Variants in GRIK4 observed in about 807,000 individuals in gnomAD.
GRIK4 encodes the protein glutamate receptor ionotropic, kainate 4.
A neutral mutation model predicts 104.9 loss-of-function variants in GRIK4; 40 were observed. The ratio of observed to expected loss-of-function variants is 0.38; its 90% CI spans 0.30 to 0.50. The LOEUF is 0.50. Ranked by LOEUF, GRIK4 falls within the 20% of genes least tolerant of loss-of-function variation. GRIK4 has a pLI of 0.93. For synonymous variants in GRIK4, 485 were observed against 524.9 expected (o/e 0.92, Z 1.04); for missense variants, 1,047 against 1,308.1 (o/e 0.80, Z 3.08).
intron 1 of GRIK4, among the ~76,000 whole-genome samples, chr11:120,638,127 G>A (rs1052013766): frequency 6.6e-6 from 1 of 152,116 alleles, no homozygotes; most frequent in African/African-American, 2.4e-5. Context: ...TGTTCAGCCT[G>A]TGTTGGCCTC....
chr11:120,642,870 T>C (rs777527898), intron 1 of GRIK4, among the ~76,000 whole-genome samples: 1 of 152,184 alleles, frequency 6.6e-6, no homozygotes, highest in Non-Finnish European at 1.5e-5. Flanking sequence ...TAACATTCAA[T>C]AGGGAGGCAT....
chr11:120,952,840 T>C lies in GRIK4; in HGVS notation c.1591-15T>C. On this transcript the variant is annotated splice_polypyrimidine_tract_variant and intron_variant, in intron 14 of 20. Coordinates refer to ENST00000527524, the MANE Select transcript of GRIK4 (RefSeq NM_014619.5). The surrounding 1 kb of genome is among the most constrained non-coding windows in gnomAD (Gnocchi z 5.2). ...GAATATGTGCGGTGAATCTTGTTTT[T>C]CTCTCCATTTCCAGGGACGCAAACC... 2.5e-6 allele frequency: 4 copies of C among 1,572,144 alleles called. No homozygotes were observed. In the Admixed American group the frequency reaches 5.0e-5, roughly 20 times the overall value.
At chr11:120,907,497 G>T (rs778221673) in intron 13 of GRIK4, among the ~76,000 whole-genome samples, 15 of 152,086 alleles carry the variant, frequency 9.9e-5, no homozygotes, top group South Asian at 2.1e-4. Flanking sequence ...TTGAGACTTG[G>T]CTACTTGACA....
intron 12 of GRIK4, among the ~76,000 whole-genome samples, chr11:120,900,869 G>A (rs777506012): frequency 2.9e-4 from 44 of 152,200 alleles, no homozygotes; most frequent in Admixed American, 9.8e-4. Flanking sequence ...AGAGGGTTGC[G>A]GTGTCGCTGT....
chr11:120,615,746 C>T (rs1216230190), intron 1 of GRIK4, among the ~76,000 whole-genome samples: 1 of 152,184 alleles, frequency 6.6e-6, no homozygotes, highest in African/African-American at 2.4e-5. Context: ...TGGGGATCCC[C>T]AGGATCCTCT....
chr11:120,806,346 T>C lies in GRIK4; in HGVS notation c.247+3489T>C, dbSNP rs543624486. The stretch of plus-strand genomic sequence containing the variant: ...CCCTTCTCCTTCCAGTTTTCTGGGC[T>C]TGATGCATCTGATAGCTCTGAGCCT... On this transcript the variant is annotated intron_variant, in intron 4 of 20. Transcript: ENST00000527524. Among the ~76,000 whole-genome samples, 4 of 152,364 alleles carry C rather than the reference T, an allele frequency of 2.6e-5. No homozygotes were observed. In the East Asian group the frequency reaches 7.7e-4, roughly 29 times the overall value.
At chr11:120,896,946 C>T (rs977804396) in intron 11 of GRIK4, among the ~76,000 whole-genome samples, 13 of 152,172 alleles carry the variant, frequency 8.5e-5, no homozygotes, top group Admixed American at 5.2e-4. Context: ...CAATGATTTG[C>T]CAGGGGCTCC....
intron 3 of GRIK4, among the ~76,000 whole-genome samples, chr11:120,710,201 A>G (rs899226028): frequency 1.4e-5 from 2 of 140,870 alleles, no homozygotes; most frequent in African/African-American, 6.1e-5. Context: ...AACTCGGAGA[A>G]ATAGGTAGGA....
chr11:120,777,769 C>T (rs1329146938), intron 3 of GRIK4, among the ~76,000 whole-genome samples: 2 of 151,934 alleles, frequency 1.3e-5, no homozygotes, highest in Non-Finnish European at 2.9e-5. Flanking sequence ...AAACCCTGTC[C>T]TTACTAAAAA....
intron 1 of GRIK4, among the ~76,000 whole-genome samples, chr11:120,634,160 G>A (rs760858038): frequency 2.6e-5 from 4 of 152,308 alleles, no homozygotes; most frequent in Admixed American, 6.5e-5. Context: ...AGTGCTTGGC[G>A]TCCTGCCTGA....
intron 3 of GRIK4, among the ~76,000 whole-genome samples, chr11:120,739,146 G>A (rs1168004089): frequency 6.6e-6 from 1 of 152,166 alleles, no homozygotes; most frequent in Non-Finnish European, 1.5e-5. Flanking sequence ...CCCTCCTGTA[G>A]CCACCTGCCC....
In GRIK4 at chr11:120,967,166, T is replaced by C. The variant is rs1196111407; in HGVS notation, c.2267-29T>C. On this transcript the variant is annotated intron_variant, in intron 18 of 20. Transcript: ENST00000527524. This position sits in a 1 kb window ranked among gnomAD's most constrained non-coding sequence, Gnocchi z 4.2. ...CACCTAACAGGGCATTCACAACCTG[T>C]GTCCTGGGCTCTCCCGTAACCCCCG... is the stretch of plus-strand genomic sequence containing the variant. The C allele has an allele frequency of 2.5e-6, 4 of 1,597,858 alleles. No individual in the cohort carries two copies. Among genetic ancestry groups the C allele is most frequent in the Non-Finnish European group, 3.4e-6 (4 of 1,172,048 alleles).
At chr11:120,644,013 G>GTGTA (rs1321701143) in intron 1 of GRIK4, among the ~76,000 whole-genome samples, 1 of 104,360 alleles carries the variant, frequency 9.6e-6, no homozygotes, top group Admixed American at 1.1e-4. Flanking sequence ...GAGAGGGTCT[G>GTGTA]TGTGTGTGTG....
chr11:120,615,272 G>A (rs1224353348), intron 1 of GRIK4, among the ~76,000 whole-genome samples: 1 of 152,168 alleles, frequency 6.6e-6, no homozygotes, highest in Non-Finnish European at 1.5e-5. Context: ...TCCTGGCTGC[G>A]CTCACCATCT....
At chr11:120,827,182 G>T (rs551996868) in intron 6 of GRIK4, among the ~76,000 whole-genome samples, 1 of 152,232 alleles carries the variant, frequency 6.6e-6, no homozygotes, top group Admixed American at 6.5e-5. Context: ...TGATACAAGG[G>T]TCCTCTGTGT....
At chr11:120,605,841 C>G (rs1277340563) in intron 1 of GRIK4, among the ~76,000 whole-genome samples, 1 of 152,234 alleles carries the variant, frequency 6.6e-6, no homozygotes, top group African/African-American at 2.4e-5. Context: ...AAGGAAGTTA[C>G]AGGGTTTTGG....
chr11:120,902,787 T>C lies in GRIK4; in HGVS notation c.1273-2503T>C, dbSNP rs1003470170. 2.6e-5 allele frequency among the ~76,000 whole-genome samples: 4 copies of C among 152,084 alleles called. No individual in the cohort carries two copies. Reference sequence around the variant, plus strand: ...GGCAGTGTGACTCTGCGGACAAAGATGACTAGGTGAGGTGGAAGATGGGGG... The same window carrying C: ...GGCAGTGTGACTCTGCGGACAAAGACGACTAGGTGAGGTGGAAGATGGGGG... On this transcript the variant is annotated intron_variant, in intron 12 of 20. Transcript: ENST00000527524. This position sits in a 1 kb window ranked among gnomAD's most constrained non-coding sequence, Gnocchi z 4.5.
In GRIK4 at chr11:120,939,395, C is replaced by T. The variant is rs956729653; in HGVS notation, c.1477-952C>T. Reference sequence around the variant, plus strand: ...TGCATTAAGGGGACCAGAAACTCTTCTTCGGGTCTGCTAATGACATCTGAA... The same window carrying T: ...TGCATTAAGGGGACCAGAAACTCTTTTTCGGGTCTGCTAATGACATCTGAA... On this transcript the variant is annotated intron_variant, in intron 13 of 20. Transcript: ENST00000527524. This position sits in a 1 kb window ranked among gnomAD's most constrained non-coding sequence, Gnocchi z 5.6. Among the ~76,000 whole-genome samples, 4 of 152,176 alleles carry T rather than the reference C, an allele frequency of 2.6e-5. No individual in the cohort carries two copies. Among genetic ancestry groups the T allele is most frequent in the Admixed American group, 6.5e-5 (1 of 15,280 alleles).
chr11:120,710,371 C>A (rs7103418), intron 3 of GRIK4, among the ~76,000 whole-genome samples: 37,894 of 152,054 alleles, frequency 0.25, 6,403 homozygotes, highest in African/African-American at 0.48. Context: ...CACATGGCTC[C>A]TGCATGGCAG....
Sources: gnomAD v4.1 joint callset for allele counts (sites outside exome capture counted in the v4.1 genomes callset) on GRCh38, gnomAD v4.1.1 for gene constraint, Gnocchi (gnomAD v3.1) non-coding constraint, MANE v1.5 for transcripts, NCBI Gene and HGNC (gene_info 2026-07-23, HGNC 2026-07-21) for gene names.